The following HPSE2 variants were observed in gnomAD, a reference collection of about 807,000 sequenced individuals.
HPSE2 encodes heparanase 2 (inactive), also known as inactive heparanase-2.
In HPSE2, 38 loss-of-function variants were observed where a neutral mutation model predicts 60.5. That is an observed-to-expected ratio of 0.63 (90% CI 0.48 to 0.82). HPSE2 has a LOEUF of 0.82. Among genes scored for constraint, HPSE2 ranks in the 40% least tolerant of loss-of-function variants. HPSE2 has a pLI of 0.00. For missense variants in HPSE2, 713 were observed against 740.4 expected, an observed-to-expected ratio of 0.96 and a Z score of 0.43; for synonymous variants, 295 against 293.2, an observed-to-expected ratio of 1.01 and a Z score of -0.06.
chr10:98,515,267 T>C (rs1235471867), intron 9 of HPSE2, among the ~76,000 whole-genome samples: 1 of 152,182 alleles, frequency 6.6e-6, no homozygotes, highest in Non-Finnish European at 1.5e-5. Context: ...ATCCTACCCT[T>C]TTCAAGCCGG....
At chr10:98,509,457 T>C (rs1280097952) in intron 9 of HPSE2, among the ~76,000 whole-genome samples, 1 of 152,136 alleles carries the variant, frequency 6.6e-6, no homozygotes, top group Non-Finnish European at 1.5e-5. Context: ...ATTTGGTGAT[T>C]GACTGGATAT....
chr10:98,600,959 TGAGAGA>T (rs10682911), intron 9 of HPSE2, among the ~76,000 whole-genome samples: 53,377 of 128,008 alleles, frequency 0.42, 13,246 homozygotes, highest in Admixed American at 0.53. Flanking sequence ...AGAAAGAGAG[TGAGAGA>T]GAGAGAGAGA....
chr10:99,266,839 T>G, the HPSE2 span, among the ~76,000 whole-genome samples: 1 of 151,934 alleles, frequency 6.6e-6, no homozygotes, highest in Non-Finnish European at 1.5e-5. Context: ...GTGCAGACAC[T>G]CCCCAGTACC....
chr10:98,497,442 C>G (rs1941882457), intron 9 of HPSE2, among the ~76,000 whole-genome samples: 1 of 152,068 alleles, frequency 6.6e-6, no homozygotes, highest in South Asian at 2.1e-4. Flanking sequence ...ATATATAATT[C>G]TGTGTCTAGA....
chr10:99,282,185 G>C, the HPSE2 span, among the ~76,000 whole-genome samples: 1 of 152,062 alleles, frequency 6.6e-6, no homozygotes, highest in East Asian at 1.9e-4. Context: ...CGTGAACCTG[G>C]GAGGGGGAGC....
intron 9 of HPSE2, among the ~76,000 whole-genome samples, chr10:98,582,097 T>C (rs926146614): frequency 6.6e-6 from 1 of 152,078 alleles, no homozygotes; most frequent in Admixed American, 6.6e-5. Context: ...AAACAGAGGG[T>C]TCGAAATAAA....
intron 3 of HPSE2, among the ~76,000 whole-genome samples, chr10:99,107,061 G>C (rs943976411): frequency 6.6e-6 from 1 of 152,168 alleles, no homozygotes; most frequent in Middle Eastern, 3.4e-3. Flanking sequence ...AGTAGAGATG[G>C]GGTTTCATCA....
intron 3 of HPSE2, among the ~76,000 whole-genome samples, chr10:99,115,522 T>C (rs1844655537): frequency 6.6e-6 from 1 of 152,050 alleles, no homozygotes; most frequent in Non-Finnish European, 1.5e-5. Context: ...CTTGAACTCC[T>C]GGCTTCAAGC....
chr10:98,479,343 A>G (rs1014403188), intron 11 of HPSE2, among the ~76,000 whole-genome samples: 1 of 152,218 alleles, frequency 6.6e-6, no homozygotes. Context: ...AGCTGTAGCA[A>G]GAACTAGCAG....
At chr10:98,492,630 T>C (rs752304008) in intron 9 of HPSE2, among the ~76,000 whole-genome samples, 5 of 152,198 alleles carry the variant, frequency 3.3e-5, no homozygotes, top group Non-Finnish European at 7.3e-5. Flanking sequence ...TGGCAAACTT[T>C]AGATTTATTA....
Position 98,562,532 on chromosome 10 carries a change from A to C in HPSE2, c.1320+52372T>G, listed in dbSNP as rs531747132. ...GAGATCGAGACCATCCTGGCTAACA[A>C]GGTGAAACCCCATCTGTACTAAAAA... On this transcript the variant is annotated intron_variant, in intron 9 of 11. Transcript: ENST00000370552. Among the ~76,000 whole-genome samples, 148 of 152,062 alleles carry C rather than the reference A, an allele frequency of 9.7e-4. No individual in the cohort carries two copies. In the Middle Eastern group the frequency reaches 0.024, roughly 25 times the overall value.
rs145072861 is a variant in HPSE2, at chr10:99,014,281, G to C, written c.610+129957C>G. Among the ~76,000 whole-genome samples the C allele has an allele frequency of 8.6e-3, 1,306 of 152,302 alleles. 15 individuals are homozygous for C. Among genetic ancestry groups the C allele is most frequent in the African/African-American group, 0.03 (1,252 of 41,550 alleles). On this transcript the variant is annotated intron_variant, in intron 3 of 11. Coordinates refer to ENST00000370552, the MANE Select transcript of HPSE2 (RefSeq NM_021828.5). ...CCAGCTCCATCCATGTCCCTGCAAA[G>C]GACATGATCTCATTCTTTTTATGGC... is the stretch of plus-strand genomic sequence containing the variant.
intron 9 of HPSE2, among the ~76,000 whole-genome samples, chr10:98,493,708 A>G (rs759169703): frequency 1.3e-5 from 2 of 152,218 alleles, no homozygotes; most frequent in Non-Finnish European, 2.9e-5. Flanking sequence ...TGCAGACAGC[A>G]TAGAGTTGGA....
At chr10:99,111,720 C>A (rs1198426650) in intron 3 of HPSE2, among the ~76,000 whole-genome samples, 1 of 152,138 alleles carries the variant, frequency 6.6e-6, no homozygotes, top group East Asian at 1.9e-4. Context: ...TGCTGCTATG[C>A]CTATGCCTTT....
intron 3 of HPSE2, among the ~76,000 whole-genome samples, chr10:98,930,972 A>T (rs1328414986): frequency 7.0e-6 from 1 of 143,870 alleles, no homozygotes; most frequent in African/African-American, 2.8e-5. Context: ...CCTTAGTTTA[A>T]TTAGATCCCA....
At chr10:99,080,961 A>G (rs1472867570) in intron 3 of HPSE2, among the ~76,000 whole-genome samples, 1 of 152,158 alleles carries the variant, frequency 6.6e-6, no homozygotes, top group African/African-American at 2.4e-5. Flanking sequence ...CTAAAATTTT[A>G]AATTTTGTAT....
chr10:98,656,589 T>G (rs1002190025), intron 6 of HPSE2, among the ~76,000 whole-genome samples: 1 of 152,186 alleles, frequency 6.6e-6, no homozygotes, highest in Non-Finnish European at 1.5e-5. Flanking sequence ...GGACCCACCA[T>G]AAGAATTTAT....
intron 3 of HPSE2, among the ~76,000 whole-genome samples, chr10:99,117,123 CT>C (rs1254238567): frequency 4.6e-5 from 7 of 151,684 alleles, no homozygotes; most frequent in African/African-American, 1.7e-4. Context: ...GATTTCTATC[CT>C]TAATAAAGAG....
Position 99,164,227 on chromosome 10 carries a change from TTATATATATATATATATATATATATATA to T in HPSE2, c.449-19856_449-19829del, listed in dbSNP as rs60497589. On this transcript the variant is annotated intron_variant, in intron 2 of 11. Coordinates refer to ENST00000370552, the MANE Select transcript of HPSE2 (RefSeq NM_021828.5). ...CTCCACTCATTTATTTATTCAAGCA[TTATATATATATATATATATATATATATA>T]TATATATATATATATATATATATAT... Among the ~76,000 whole-genome samples the T allele has an allele frequency of 2.6e-3, 87 of 34,046 alleles. 2 individuals are homozygous for T. The highest frequency in any genetic ancestry group is 0.013 in the Admixed American group (38 of 2,934). 22.3% of individuals were successfully genotyped at this position (34,046 alleles called of 152,430 possible). A position where few individuals can be genotyped will look rare whatever the true frequency, so the allele number is the denominator to read the frequency against.
Sources: gnomAD v4.1 joint callset for allele counts (sites outside exome capture counted in the v4.1 genomes callset) on GRCh38, gnomAD v4.1.1 for gene constraint, MANE v1.5 for transcripts, NCBI Gene and HGNC (gene_info 2026-07-23, HGNC 2026-07-21) for gene names.